Variants in STAU2 observed in about 807,000 individuals in gnomAD.
The protein encoded by STAU2 is staufen double-stranded RNA binding protein 2.
In STAU2, 20 loss-of-function variants were observed where a neutral mutation model predicts 65.9. The ratio of observed to expected loss-of-function variants is 0.30; its 90% CI spans 0.21 to 0.44. STAU2 has a LOEUF of 0.44. Among genes scored for constraint, STAU2 ranks in the 20% least tolerant of loss-of-function variants. The probability of loss-of-function intolerance (pLI) is 1.00; values close to 1 mark genes in which losing one functional copy is unlikely to be tolerated. For synonymous variants in STAU2, 232 were observed against 233.9 expected, an observed-to-expected ratio of 0.99 and a Z score of 0.07; for missense variants, 558 against 683.9, an observed-to-expected ratio of 0.82 and a Z score of 2.05.
chr8:73,682,840 T>C (rs928739042), intron 5 of STAU2, among the ~76,000 whole-genome samples: 1 of 152,114 alleles, frequency 6.6e-6, no homozygotes, highest in Non-Finnish European at 1.5e-5. Context: ...TGAACACCTT[T>C]ACACACACAA....
intron 9 of STAU2, among the ~76,000 whole-genome samples, chr8:73,611,221 A>T (rs2045694543): frequency 6.6e-6 from 1 of 152,252 alleles, no homozygotes; most frequent in African/African-American, 2.4e-5. Context: ...GAACATACTT[A>T]AAATTATCTA....
chr8:73,648,913 C>T (rs1394027104), intron 6 of STAU2, among the ~76,000 whole-genome samples: 1 of 152,112 alleles, frequency 6.6e-6, no homozygotes, highest in Admixed American at 6.5e-5. Context: ...CTCAGGCGAT[C>T]CTCCTGCCTC....
At chr8:73,733,771 A>T (rs7001590) in intron 3 of STAU2, among the ~76,000 whole-genome samples, 47,000 of 152,092 alleles carry the variant, frequency 0.31, 8,324 homozygotes, top group East Asian at 0.48. Context: ...TCAGACAGAT[A>T]AGCAAAGACT....
At chr8:73,690,886 T>C (rs1020316942) in intron 4 of STAU2, among the ~76,000 whole-genome samples, 4 of 152,224 alleles carry the variant, frequency 2.6e-5, no homozygotes, top group African/African-American at 9.6e-5. Context: ...GTATCTTTAA[T>C]ACTCTCTCTG....
chr8:73,469,830 C>T (rs1819883006), intron 13 of STAU2, among the ~76,000 whole-genome samples: 2 of 152,162 alleles, frequency 1.3e-5, no homozygotes, highest in East Asian at 3.9e-4. Flanking sequence ...ACACTGTGAC[C>T]CAGGAAATAT....
At chr8:73,603,632 CT>C (rs1811798354) in intron 10 of STAU2, 93 bp downstream of exon 10, 14 of 1,472,672 alleles carry the variant, frequency 9.5e-6, no homozygotes. Context: ...GTTTTACTTT[CT>C]GCTCTTAAGT....
chr8:73,726,506 G>A (rs144601035), intron 3 of STAU2, among the ~76,000 whole-genome samples: 6 of 152,018 alleles, frequency 3.9e-5, no homozygotes, highest in East Asian at 1.9e-4. Context: ...CTAATTACAC[G>A]TCTTAGGCCA....
intron 13 of STAU2, among the ~76,000 whole-genome samples, chr8:73,516,132 G>T (rs959742409): frequency 6.6e-6 from 1 of 151,780 alleles, no homozygotes; most frequent in African/African-American, 2.4e-5. Context: ...TAGAGATGGG[G>T]TTTTGCCATG....
intron 13 of STAU2, among the ~76,000 whole-genome samples, chr8:73,528,883 T>G (rs1278832166): frequency 2.0e-5 from 3 of 152,144 alleles, no homozygotes; most frequent in Non-Finnish European, 4.4e-5. Flanking sequence ...CTACGTTTAT[T>G]TAATCATGTA....
At chr8:73,605,647 C>T (rs1811954667) in intron 9 of STAU2, among the ~76,000 whole-genome samples, 1 of 151,228 alleles carries the variant, frequency 6.6e-6, no homozygotes, top group Non-Finnish European at 1.5e-5. Context: ...TAAGCTGATA[C>T]TAAAATTCAT....
chr8:73,563,185 TC>T (rs1394820444), intron 12 of STAU2, among the ~76,000 whole-genome samples: 1 of 152,220 alleles, frequency 6.6e-6, no homozygotes, highest in African/African-American at 2.4e-5. Flanking sequence ...GTAACAACTC[TC>T]CCCAACTTCC....
chr8:73,494,602 G>A (rs1170431153), intron 13 of STAU2, among the ~76,000 whole-genome samples: 1 of 151,624 alleles, frequency 6.6e-6, no homozygotes, highest in Non-Finnish European at 1.5e-5. Flanking sequence ...AATGTCAAAG[G>A]AAGATATACA....
intron 9 of STAU2, among the ~76,000 whole-genome samples, chr8:73,605,465 T>C (rs1324801988): frequency 6.6e-6 from 1 of 151,906 alleles, no homozygotes; most frequent in African/African-American, 2.4e-5. Flanking sequence ...CACGCCACCA[T>C]GCCTGGTTAA....
chr8:73,459,014 G>A (rs1301996895), intron 13 of STAU2, among the ~76,000 whole-genome samples: 3 of 152,180 alleles, frequency 2.0e-5, no homozygotes, highest in African/African-American at 7.2e-5. Flanking sequence ...ATGACTAAAT[G>A]ATTTGACAAA....
Position 73,637,477 on chromosome 8 carries a change from T to TAA in STAU2, c.411-20028_411-20027dup, listed in dbSNP as rs60833468. Among the ~76,000 whole-genome samples the TAA allele has an allele frequency of 1.9e-3, 109 of 57,078 alleles. 3 individuals carry two copies. The highest frequency in any genetic ancestry group is 5.5e-3 in the African/African-American group (76 of 13,782). The allele number at this position is 57,078 out of a possible 152,430, so 37.4% of individuals were successfully genotyped here. A position where few individuals can be genotyped will look rare whatever the true frequency, so the allele number is the denominator to read the frequency against. ...TAAAGTCTTTATAAAGTGCTGAAAG[T>TAA]AAAAAAAAAAAAAAAAAAAAAAAAA... On this transcript the variant is annotated intron_variant, in intron 6 of 14. Coordinates refer to ENST00000524300, the MANE Select transcript of STAU2 (RefSeq NM_001164380.2).
intron 13 of STAU2, among the ~76,000 whole-genome samples, chr8:73,478,305 TAAAAAAAAA>T (rs10660977): frequency 1.3e-5 from 1 of 77,518 alleles, no homozygotes; most frequent in East Asian, 3.7e-4. Flanking sequence ...ACTGATGAGC[TAAAAAAAAA>T]AAAAAAAAAA....
chr8:73,427,929 A>AT (rs1283900305), intron 13 of STAU2, among the ~76,000 whole-genome samples: 8 of 152,208 alleles, frequency 5.3e-5, no homozygotes, highest in African/African-American at 1.2e-4. Context: ...AAATTTTATT[A>AT]TTTTTTGTAA....
intron 13 of STAU2, among the ~76,000 whole-genome samples, chr8:73,471,490 A>T (rs895525240): frequency 6.8e-6 from 1 of 147,750 alleles, no homozygotes; most frequent in Non-Finnish European, 1.5e-5. Flanking sequence ...GCTCGGCCTC[A>T]TATTATAATT....
In STAU2 at chr8:73,479,595, GA is replaced by G. The variant is rs572711261; in HGVS notation, c.1531-56894del. ...TTAAAATAAAAATGATAATACAGTA[GA>G]AAAAAATAAACAAGCACTTAAGAAA... On this transcript the variant is annotated intron_variant, in intron 13 of 14. Coordinates refer to ENST00000524300, the MANE Select transcript of STAU2 (RefSeq NM_001164380.2). 7.8e-4 allele frequency among the ~76,000 whole-genome samples: 118 copies of G among 151,386 alleles called. 1 individual carries two copies. In the South Asian group the frequency reaches 0.023, roughly 29 times the overall value.
Sources: gnomAD v4.1 joint callset for allele counts (sites outside exome capture counted in the v4.1 genomes callset) on GRCh38, gnomAD v4.1.1 for gene constraint, MANE v1.5 for transcripts, NCBI Gene and HGNC (gene_info 2026-07-23, HGNC 2026-07-21) for gene names.